Variants in ARID2 observed in about 807,000 individuals in gnomAD.
ARID2 encodes AT-rich interactive domain-containing protein 2.
Under a neutral mutation model 184.6 loss-of-function variants are expected in ARID2, and 32 were observed. That is an observed-to-expected ratio of 0.17 (90% confidence interval 0.13 to 0.23). ARID2 has a LOEUF of 0.23. Among genes scored for constraint, ARID2 ranks in the 10% least tolerant of loss-of-function variants. The pLI is 1.00. For missense variants in ARID2, 1,696 were observed against 2,197.6 expected (o/e 0.77, Z 4.56); for synonymous variants, 836 against 772.6 (o/e 1.08, Z -1.36).
intron 3 of ARID2, among the ~76,000 whole-genome samples, chr12:45,746,833 C>T (rs1478379963): frequency 2.6e-5 from 4 of 152,078 alleles, no homozygotes; most frequent in Non-Finnish European, 4.4e-5. Flanking sequence ...GTGGCGCGAT[C>T]GAGGCTCACT....
At chr12:45,831,378 T>G (rs1248006741) in intron 6 of ARID2, among the ~76,000 whole-genome samples, 1 of 152,148 alleles carries the variant, frequency 6.6e-6, no homozygotes, top group African/African-American at 2.4e-5. Context: ...GGTTATTTAT[T>G]TAAGTTTTTA....
intron 3 of ARID2, among the ~76,000 whole-genome samples, chr12:45,747,286 A>G (rs1941378642): frequency 6.6e-6 from 1 of 152,168 alleles, no homozygotes; most frequent in Non-Finnish European, 1.5e-5. Flanking sequence ...TGTACAGTTT[A>G]TAGTTTATTT....
chr12:45,765,838 T>G (rs1285235513), intron 3 of ARID2, among the ~76,000 whole-genome samples: 1 of 152,158 alleles, frequency 6.6e-6, no homozygotes, highest in East Asian at 1.9e-4. Flanking sequence ...CTTTTTAACC[T>G]CTGGCTATCC....
intron 5 of ARID2, 23 bp downstream of exon 5, chr12:45,817,911 T>A (rs779584599): frequency 1.3e-4 from 197 of 1,558,564 alleles, no homozygotes; most frequent in Non-Finnish European, 1.7e-4. Context: ...CTGAATGTAT[T>A]ATATAATTCT....
chr12:45,882,935 G>GTCA (rs1415530798), intron 16 of ARID2, among the ~76,000 whole-genome samples: 2 of 152,138 alleles, frequency 1.3e-5, no homozygotes, highest in East Asian at 3.8e-4. Context: ...TGATTCTAAA[G>GTCA]TCATCAGTTC....
At chr12:45,881,836 GT>G in intron 16 of ARID2, 3 of 226,182 alleles carry the variant, frequency 1.3e-5, no homozygotes, top group Admixed American at 5.0e-5. Context: ...TCCCTCTTGT[GT>G]TTTTTGAACT....
At chr12:45,856,396 ATG>A (rs1943651926) in intron 15 of ARID2, among the ~76,000 whole-genome samples, 1 of 152,166 alleles carries the variant, frequency 6.6e-6, no homozygotes, top group Non-Finnish European at 1.5e-5. Context: ...TTAAAGTTGC[ATG>A]TTAGACCTTG....
chr12:45,785,581 A>G (rs995694515), intron 3 of ARID2, among the ~76,000 whole-genome samples: 2 of 152,188 alleles, frequency 1.3e-5, no homozygotes, highest in Admixed American at 6.5e-5. Flanking sequence ...CAGGTTAAGT[A>G]TCCCTAATCC....
intron 3 of ARID2, among the ~76,000 whole-genome samples, chr12:45,785,137 C>T (rs1942172643): frequency 6.6e-6 from 1 of 152,210 alleles, no homozygotes; most frequent in African/African-American, 2.4e-5. Context: ...ATTCTCTTGC[C>T]AGAGTAGAGG....
intron 3 of ARID2, among the ~76,000 whole-genome samples, chr12:45,791,537 C>T (rs1565597306): frequency 6.6e-6 from 1 of 151,986 alleles, no homozygotes; most frequent in African/African-American, 2.4e-5. Flanking sequence ...GTTCTTATAT[C>T]AGGGTTCTGA....
At chr12:45,902,953 C>T (rs913891040) in intron 20 of ARID2, among the ~76,000 whole-genome samples, 1 of 151,994 alleles carries the variant, frequency 6.6e-6, no homozygotes, top group African/African-American at 2.4e-5. Context: ...GTGTAAAGTT[C>T]AGTGAATTAT....
chr12:45,850,365 A>G lies in ARID2; in HGVS notation c.2242A>G (p.Ser748Gly), dbSNP rs1943524346. ...ACAGAGTTCTGTTGTTCAGAATCAT[A>G]GTACAGGGCCACAACCTGTTACAGT... ...PPQSSVVQNH[S>G]TGPQPVTVVN... Residue 748 changes from serine (S) to glycine (G), a missense_variant, in exon 15 of 21, where the codon AGT (serine) becomes GGT (glycine). Ser to Gly is a moderately conservative substitution (Grantham distance 56, BLOSUM62 0). Coordinates refer to ENST00000334344, the MANE Select transcript of ARID2 (RefSeq NM_152641.4). 1 of 1,614,012 alleles carries G rather than the reference A, an allele frequency of 6.2e-7. No individual in the cohort carries two copies. Among genetic ancestry groups the G allele is most frequent in the Non-Finnish European group, 8.5e-7 (1 of 1,180,014 alleles).
At chr12:45,831,856 T>C (rs528919659) in intron 6 of ARID2, among the ~76,000 whole-genome samples, 7 of 152,360 alleles carry the variant, frequency 4.6e-5, no homozygotes, top group African/African-American at 7.2e-5. Context: ...ACAGTTGATA[T>C]ATTTTCATGA....
chr12:45,776,141 C>T (rs1380158304), intron 3 of ARID2: 4 of 167,220 alleles, frequency 2.4e-5, no homozygotes, highest in South Asian at 2.0e-4. Context: ...CCAGACCAGC[C>T]GGATCGGCAT....
At chr12:45,836,242 C>T (rs1281375011) in intron 6 of ARID2, among the ~76,000 whole-genome samples, 1 of 152,182 alleles carries the variant, frequency 6.6e-6, no homozygotes, top group Non-Finnish European at 1.5e-5. Flanking sequence ...TGGGGTCTCA[C>T]TCTTCCGCCC....
intron 3 of ARID2, among the ~76,000 whole-genome samples, chr12:45,755,171 T>A (rs184671758): frequency 4.5e-4 from 68 of 152,346 alleles, no homozygotes; most frequent in African/African-American, 1.6e-3. Flanking sequence ...AAAATCAAAT[T>A]AACATATTTG....
At chr12:45,754,696 A>G (rs1480743869) in intron 3 of ARID2, among the ~76,000 whole-genome samples, 2 of 152,168 alleles carry the variant, frequency 1.3e-5, no homozygotes, top group African/African-American at 4.8e-5. Context: ...TTATATCTCT[A>G]TTACAAACAC....
chr12:45,907,995 T>G lies in ARID2; in HGVS notation c.*2917T>G, dbSNP rs964772216. Reference sequence around the variant, plus strand: ...TTACTTTATAGTCATGTCATGTATGTTTTTTTAACCATGAAATGACAATAA... The same window carrying G: ...TTACTTTATAGTCATGTCATGTATGGTTTTTTAACCATGAAATGACAATAA... On this transcript the variant is annotated 3_prime_UTR_variant, in exon 21 of 21. Coordinates refer to ENST00000334344, the MANE Select transcript of ARID2 (RefSeq NM_152641.4). 4.4e-6 allele frequency: 1 copy of G among 227,860 alleles called. No homozygotes were observed. Among genetic ancestry groups the G allele is most frequent in the Non-Finnish European group, 8.7e-6 (1 of 114,808 alleles). The allele number at this position is 227,860 out of a possible 1,614,324, so 14.1% of individuals were successfully genotyped here.
In ARID2 at chr12:45,860,865, C is replaced by T; in HGVS notation, c.4838C>T (p.Ser1613Phe). Residue 1613 changes from serine (S) to phenylalanine (F), a missense_variant, in exon 16 of 21, where the codon TCT becomes TTT. By Grantham distance (155) the Ser-to-Phe change is radical. Around this residue, in one of 11 missense-constraint regions of ARID2, gnomAD observed 111 missense variants for 154.0 expected, o/e 0.72. Transcript: ENST00000334344. ...GGCCAGCCTAACAGTTCTCAGCCTT[C>T]TCCATTCAGTGGATCCAGTCAGCCT... ...VQGQPNSSQP[S>F]PFSGSSQPGD... The T allele has an allele frequency of 6.2e-7, 1 of 1,609,046 alleles. No homozygotes were observed.
Sources: gnomAD v4.1 joint callset for allele counts (sites outside exome capture counted in the v4.1 genomes callset) on GRCh38, gnomAD v4.1.1 for gene constraint, gnomAD v4.1.1 regional missense constraint, MANE v1.5 for transcripts, NCBI Gene and HGNC (gene_info 2026-07-23, HGNC 2026-07-21) for gene names.